Variants in SLIT3 observed in about 807,000 individuals in gnomAD.
The protein encoded by SLIT3 is slit guidance ligand 3.
A neutral mutation model predicts 184.0 loss-of-function variants in SLIT3; 68 were observed. The ratio of observed to expected loss-of-function variants is 0.37; its 90% CI spans 0.30 to 0.45. The LOEUF is 0.45. SLIT3 is among the 20% of genes least tolerant of loss of function. SLIT3 has a pLI of 1.00. For synonymous variants in SLIT3, 831 were observed against 828.6 expected, an observed-to-expected ratio of 1.00 and a Z score of -0.05; for missense variants, 1,707 against 2,026.0, an observed-to-expected ratio of 0.84 and a Z score of 3.02.
intron 9 of SLIT3, among the ~76,000 whole-genome samples, chr5:168,804,626 C>A (rs1756894156): frequency 6.6e-6 from 1 of 152,140 alleles, no homozygotes; most frequent in Non-Finnish European, 1.5e-5. Flanking sequence ...AGAGGGCAGG[C>A]AGAAAGGACT....
At position 169,247,176 on chromosome 5, in the gene SLIT3, A is replaced by G. The variant is rs186451705; in HGVS notation, c.270-2400T>C. On this transcript the variant is annotated intron_variant, in intron 2 of 35. Coordinates refer to ENST00000519560, the MANE Select transcript of SLIT3 (RefSeq NM_003062.4). ...GGTTGCAGTGAGCTAAGATTGCACC[A>G]TTGCACTCCAGCCTGGGTGACAGAG... 8.0e-3 allele frequency among the ~76,000 whole-genome samples: 1,183 copies of G among 147,040 alleles called. 13 individuals are homozygous for G. The highest frequency in any genetic ancestry group is 0.027 in the African/African-American group (1,091 of 39,748).
At position 169,001,345 on chromosome 5, in the gene SLIT3, A is replaced by C. The variant is rs186096546; in HGVS notation, c.414-118009T>G. On this transcript the variant is annotated intron_variant, in intron 4 of 35. Coordinates refer to ENST00000519560, the MANE Select transcript of SLIT3 (RefSeq NM_003062.4). Reference sequence around the variant, plus strand: ...TTGCCATCAACTTTTCCTACTAAGTACTTAAAATTCACTTTCTGCTTGAAA... The same window carrying C: ...TTGCCATCAACTTTTCCTACTAAGTCCTTAAAATTCACTTTCTGCTTGAAA... Among the ~76,000 whole-genome samples, 9 of 152,282 alleles carry C rather than the reference A, an allele frequency of 5.9e-5. No individual in the cohort carries two copies. In the East Asian group the frequency reaches 1.5e-3, roughly 26 times the overall value.
intron 9 of SLIT3, among the ~76,000 whole-genome samples, chr5:168,801,924 G>A (rs1756779323): frequency 6.6e-6 from 1 of 151,976 alleles, no homozygotes; most frequent in Admixed American, 6.5e-5. Context: ...AAGAGAGTCT[G>A]CGAGACTGTT....
intron 4 of SLIT3, among the ~76,000 whole-genome samples, chr5:168,932,624 G>A (rs1044727952): frequency 1.3e-5 from 2 of 152,156 alleles, no homozygotes; most frequent in Non-Finnish European, 2.9e-5. Context: ...CTGGTGGGCA[G>A]CCAATGGATT....
Position 168,774,221 on chromosome 5 carries a change from G to A in SLIT3, c.1295+14C>T. 1 of 1,584,742 alleles carries A rather than the reference G, an allele frequency of 6.3e-7. No homozygotes were observed. The highest frequency in any genetic ancestry group is 8.6e-7 in the Non-Finnish European group (1 of 1,166,206). ...TGCTTGGGCACCCACTGGCACCCGA[G>A]GCAGTGTACTCACAGTGTCTGGATG... On this transcript the variant is annotated intron_variant, in intron 13 of 35. Coordinates refer to ENST00000519560, the MANE Select transcript of SLIT3 (RefSeq NM_003062.4).
rs551577786 is a variant in SLIT3 at position 168,734,132 on chromosome 5, C to A, written c.2271-9648G>T. Among the ~76,000 whole-genome samples the A allele has an allele frequency of 5.3e-5, 8 of 152,298 alleles. No individual in the cohort carries two copies. The South Asian group carries it at 1.7e-3, about 32-fold the overall frequency. ...TAAAAGCCCAGACTTTACCACAACA[C>A]AATATATGCATGTAAGAAACCTGTA... On this transcript the variant is annotated intron_variant, in intron 20 of 35. Coordinates refer to ENST00000519560, the MANE Select transcript of SLIT3 (RefSeq NM_003062.4).
chr5:168,866,927 G>A (rs938127224), intron 5 of SLIT3, among the ~76,000 whole-genome samples: 1 of 152,212 alleles, frequency 6.6e-6, no homozygotes, highest in Non-Finnish European at 1.5e-5. Flanking sequence ...AAGCTTAGTA[G>A]AGAAGCTAGC....
intron 1 of SLIT3, among the ~76,000 whole-genome samples, chr5:169,299,906 G>A (rs527338074): frequency 3.3e-5 from 5 of 152,100 alleles, no homozygotes; most frequent in South Asian, 2.1e-4. Flanking sequence ...AAATTCACCC[G>A]GGGCTGCAAC....
At chr5:168,719,498 T>G (rs1325088676) in intron 23 of SLIT3, among the ~76,000 whole-genome samples, 1 of 152,232 alleles carries the variant, frequency 6.6e-6, no homozygotes, top group African/African-American at 2.4e-5. Context: ...TATATACAAG[T>G]TAGGTTTATT....
intron 4 of SLIT3, among the ~76,000 whole-genome samples, chr5:169,072,487 T>A (rs922013751): frequency 1.1e-4 from 16 of 152,176 alleles, no homozygotes; most frequent in Non-Finnish European, 1.9e-4. Flanking sequence ...TCTCTCCAGC[T>A]CCAAAGGGAC....
intron 1 of SLIT3, among the ~76,000 whole-genome samples, chr5:169,270,328 G>T (rs1234128264): frequency 6.6e-6 from 1 of 152,118 alleles, no homozygotes; most frequent in African/African-American, 2.4e-5. Context: ...CAAGACAGGG[G>T]TCAGCAAACT....
Position 169,032,922 on chromosome 5 carries a change from A to ATTTTTT in SLIT3, c.414-149592_414-149587dup, listed in dbSNP as rs199911562. 5.3e-4 allele frequency among the ~76,000 whole-genome samples: 47 copies of ATTTTTT among 88,128 alleles called. 1 individual carries two copies. Among genetic ancestry groups the ATTTTTT allele is most frequent in the Admixed American group, 3.8e-4 (3 of 7,966 alleles). The allele number at this position is 88,128 out of a possible 152,430, so 57.8% of individuals were successfully genotyped here. The stretch of plus-strand genomic sequence containing the variant: ...TCTCATAAGTATCCATTTTTCCTTG[A>ATTTTTT]TTTTTTTTTTTTTTTTTTTTTTTTT... On this transcript the variant is annotated intron_variant, in intron 4 of 35. Coordinates refer to ENST00000519560, the MANE Select transcript of SLIT3 (RefSeq NM_003062.4).
At chr5:168,935,096 C>G (rs1288374431) in intron 4 of SLIT3, among the ~76,000 whole-genome samples, 1 of 148,844 alleles carries the variant, frequency 6.7e-6, no homozygotes, top group East Asian at 2.0e-4. Flanking sequence ...CGACATCGCA[C>G]CACTGCACTC....
intron 6 of SLIT3, among the ~76,000 whole-genome samples, chr5:168,828,409 C>G (rs543889053): frequency 6.6e-6 from 1 of 151,990 alleles, no homozygotes; most frequent in Non-Finnish European, 1.5e-5. Flanking sequence ...AGCGGGAGGA[C>G]TGCTTGAGCC....
At chr5:169,079,243 G>A (rs1011588871) in intron 4 of SLIT3, among the ~76,000 whole-genome samples, 1 of 152,148 alleles carries the variant, frequency 6.6e-6, no homozygotes, top group South Asian at 2.1e-4. Context: ...CAGGTGGTGT[G>A]TAACCCACAG....
At chr5:168,701,917 C>T (rs926762862) in intron 26 of SLIT3, among the ~76,000 whole-genome samples, 12 of 152,238 alleles carry the variant, frequency 7.9e-5, no homozygotes, top group African/African-American at 2.4e-4. Context: ...CTGGCTGCGA[C>T]GCTGCAGCCA....
chr5:169,011,880 T>C (rs1310455806), intron 4 of SLIT3, among the ~76,000 whole-genome samples: 1 of 152,096 alleles, frequency 6.6e-6, no homozygotes, highest in Non-Finnish European at 1.5e-5. Flanking sequence ...ACTGCCCACT[T>C]TGATAAAAAT....
At chr5:168,731,359 C>T (rs1053391520) in intron 20 of SLIT3, among the ~76,000 whole-genome samples, 1 of 151,888 alleles carries the variant, frequency 6.6e-6, no homozygotes, top group African/African-American at 2.4e-5. Flanking sequence ...GAATTCATAG[C>T]TGAATTCTAA....
At chr5:169,085,187 T>C (rs1196385866) in intron 4 of SLIT3, among the ~76,000 whole-genome samples, 1 of 152,184 alleles carries the variant, frequency 6.6e-6, no homozygotes, top group Non-Finnish European at 1.5e-5. Context: ...CCTGGGCTCC[T>C]GGAAAAACAC....
Sources: allele counts gnomAD v4.1 joint callset (sites outside exome capture counted in the v4.1 genomes callset), GRCh38; gene constraint gnomAD v4.1.1; transcripts MANE v1.5; gene names NCBI Gene and HGNC (gene_info 2026-07-23, HGNC 2026-07-21).